Variants in PRICKLE2 observed in about 807,000 individuals in gnomAD.
PRICKLE2 encodes the protein prickle planar cell polarity protein 2, also known as prickle-like protein 2.
PRICKLE2 carries 21 observed loss-of-function variants against 81.4 expected under a neutral mutation model. The observed-to-expected ratio is 0.26, with a 90% CI of 0.18 to 0.37. The LOEUF is 0.37. Among genes scored for constraint, PRICKLE2 ranks in the 10% least tolerant of loss-of-function variants. The pLI, the probability that PRICKLE2 is intolerant of heterozygous loss-of-function variation, is 1.00. For missense variants in PRICKLE2, 940 were observed against 1,109.0 expected (o/e 0.85, Z 2.16); for synonymous variants, 456 against 421.5 (o/e 1.08, Z -1.00).
upstream of PRICKLE2, among the ~76,000 whole-genome samples, chr3:64,228,845 A>G (rs1038563969): frequency 1.3e-5 from 2 of 152,230 alleles, no homozygotes; most frequent in Non-Finnish European, 2.9e-5. Flanking sequence ...TATTTATACA[A>G]ATGACCATAA....
At chr3:64,229,236 A>G (rs538959277), upstream of PRICKLE2, among the ~76,000 whole-genome samples, 63 of 152,334 alleles carry the variant, frequency 4.1e-4, no homozygotes, top group African/African-American at 1.5e-3. Context: ...AGCTCCATGC[A>G]TGCTGGAAAA....
chr3:64,219,393 C>G (rs1481484797), intron 1 of PRICKLE2, among the ~76,000 whole-genome samples: 1 of 152,172 alleles, frequency 6.6e-6, no homozygotes, highest in Non-Finnish European at 1.5e-5. Flanking sequence ...TGGCTTCCCT[C>G]TCTCCGAACT....
intron 2 of PRICKLE2, among the ~76,000 whole-genome samples, chr3:64,244,898 C>G (rs1408182437): frequency 2.0e-5 from 3 of 152,126 alleles, no homozygotes; most frequent in Admixed American, 6.5e-5. Context: ...TATGTCATAG[C>G]ACACATGAAT....
upstream of PRICKLE2, among the ~76,000 whole-genome samples, chr3:64,226,120 C>A (rs1251432413): frequency 6.6e-6 from 1 of 152,120 alleles, no homozygotes; most frequent in African/African-American, 2.4e-5. Context: ...TCTGAAGACC[C>A]TGAGACCCTC....
intron 2 of PRICKLE2, among the ~76,000 whole-genome samples, chr3:64,239,952 C>CAA (rs57932723): frequency 0.054 from 1,735 of 32,208 alleles, 151 homozygotes; most frequent in Non-Finnish European, 0.076. Flanking sequence ...CCATCGCTAC[C>CAA]AAAAAAAAAA....
intron 2 of PRICKLE2, among the ~76,000 whole-genome samples, chr3:64,173,576 T>C (rs565222719): frequency 6.6e-6 from 1 of 152,326 alleles, no homozygotes; most frequent in African/African-American, 2.4e-5. Context: ...TGCAAGGCAG[T>C]ATGAGGCCGG....
intron 2 of PRICKLE2, among the ~76,000 whole-genome samples, chr3:64,262,258 A>T (rs1390810888): frequency 6.6e-6 from 1 of 152,090 alleles, no homozygotes; most frequent in East Asian, 1.9e-4. Flanking sequence ...ACTTATTCCC[A>T]TTGGATAGGA....
chr3:64,184,683 G>A (rs1357047100), intron 2 of PRICKLE2, among the ~76,000 whole-genome samples: 1 of 152,056 alleles, frequency 6.6e-6, no homozygotes, highest in Non-Finnish European at 1.5e-5. Context: ...TGCTGCCCAG[G>A]CTGGTTTCAA....
At chr3:64,191,448 A>G (rs1041882767) in intron 2 of PRICKLE2, among the ~76,000 whole-genome samples, 4 of 152,212 alleles carry the variant, frequency 2.6e-5, no homozygotes, top group African/African-American at 4.8e-5. Flanking sequence ...CAGGTCTAAT[A>G]GTACCGGCTC....
chr3:64,237,493 G>T (rs2079200183), intron 2 of PRICKLE2, among the ~76,000 whole-genome samples: 1 of 152,130 alleles, frequency 6.6e-6, no homozygotes, highest in African/African-American at 2.4e-5. Context: ...AAATCAAGTT[G>T]CTTCTCTTGG....
chr3:64,157,413 C>G, intron 4 of PRICKLE2, 48 bp from the exon 5 acceptor site: 1 of 1,564,950 alleles, frequency 6.4e-7, no homozygotes, highest in Non-Finnish European at 8.8e-7. Flanking sequence ...CCCCATCTCC[C>G]AGTGCTGTGC....
chr3:64,183,760 T>C (rs1158294357), intron 2 of PRICKLE2, among the ~76,000 whole-genome samples: 3 of 152,198 alleles, frequency 2.0e-5, no homozygotes, highest in Non-Finnish European at 4.4e-5. Flanking sequence ...AAATGGGAAA[T>C]AGAAGCTAGA....
intron 2 of PRICKLE2, among the ~76,000 whole-genome samples, chr3:64,189,895 T>A (rs1485257173): frequency 1.3e-5 from 2 of 152,146 alleles, no homozygotes; most frequent in Non-Finnish European, 2.9e-5. Flanking sequence ...GGCAGAAACA[T>A]CAAGGGGATG....
intron 2 of PRICKLE2, among the ~76,000 whole-genome samples, chr3:64,182,358 G>A (rs148852343): frequency 1.4e-4 from 21 of 152,136 alleles, no homozygotes; most frequent in African/African-American, 3.4e-4. Flanking sequence ...GTGGTTGTGC[G>A]CATCTACAGT....
chr3:64,161,186 C>A (rs1193723484), intron 3 of PRICKLE2, among the ~76,000 whole-genome samples: 1 of 152,186 alleles, frequency 6.6e-6, no homozygotes, highest in African/African-American at 2.4e-5. Context: ...ACTACTCTAT[C>A]ACAAGGAATA....
At chr3:64,245,375 G>A (rs985984374) in intron 2 of PRICKLE2, among the ~76,000 whole-genome samples, 2 of 152,090 alleles carry the variant, frequency 1.3e-5, no homozygotes, top group African/African-American at 2.4e-5. Flanking sequence ...TTGTAGTCAC[G>A]GCTATCTCAA....
intron 7 of PRICKLE2, chr3:64,105,848 T>C (rs1417150786): frequency 6.6e-6 from 1 of 152,218 alleles, no homozygotes; most frequent in Non-Finnish European, 1.5e-5. Flanking sequence ...TTGGGGAAAT[T>C]TGTAAACCTC....
At chr3:64,259,005 T>C (rs1176913528) in intron 2 of PRICKLE2, among the ~76,000 whole-genome samples, 2 of 152,098 alleles carry the variant, frequency 1.3e-5, no homozygotes, top group Non-Finnish European at 2.9e-5. Context: ...ATTTAGCTTA[T>C]GAAATTTCAT....
At chr3:64,153,833 TAAGAA>T in intron 5 of PRICKLE2, 1 of 168,702 alleles carries the variant, frequency 5.9e-6, no homozygotes, top group Admixed American at 5.6e-5. Context: ...AAACTAGAGC[TAAGAA>T]GAGAGGCTGC....
Sources: gnomAD v4.1 joint callset for allele counts (sites outside exome capture counted in the v4.1 genomes callset) on GRCh38, gnomAD v4.1.1 for gene constraint, MANE v1.5 for transcripts, NCBI Gene and HGNC (gene_info 2026-07-23, HGNC 2026-07-21) for gene names.